DISC1: variants seen among roughly 807,000 people sequenced by gnomAD.
The protein encoded by DISC1 is DISC1 scaffold protein.
A neutral mutation model predicts 84.5 loss-of-function variants in DISC1; 57 were observed. That is an observed-to-expected ratio of 0.67 (90% CI 0.55 to 0.84). The LOEUF is 0.84. Among genes scored for constraint, DISC1 ranks in the 40% least tolerant of loss-of-function variants. The pLI is 0.00. For synonymous variants in DISC1, 411 were observed against 415.2 expected (o/e 0.99, Z 0.12); for missense variants, 1,000 against 1,057.8 (o/e 0.95, Z 0.76).
At chr1:231,988,384 T>TA (rs1414551780) in intron 10 of DISC1, among the ~76,000 whole-genome samples, 2 of 152,226 alleles carry the variant, frequency 1.3e-5, no homozygotes, top group Admixed American at 6.5e-5. Context: ...CAAATCTTTT[T>TA]AAAAATCTAC....
chr1:231,797,286 A>C (rs2078835832), intron 7 of DISC1, among the ~76,000 whole-genome samples: 1 of 152,172 alleles, frequency 6.6e-6, no homozygotes, highest in South Asian at 2.1e-4. Flanking sequence ...GAAAATTTCC[A>C]ACTACTATTA....
intron 3 of DISC1, among the ~76,000 whole-genome samples, chr1:231,725,001 T>TA: frequency 6.6e-6 from 1 of 152,292 alleles, no homozygotes; most frequent in Middle Eastern, 3.4e-3. Flanking sequence ...CCCCGGGACC[T>TA]ACAGGGTCAC....
intron 9 of DISC1, among the ~76,000 whole-genome samples, chr1:231,835,124 C>T (rs1042767597): frequency 6.6e-5 from 10 of 152,144 alleles, no homozygotes; most frequent in African/African-American, 2.4e-4. Flanking sequence ...GTGAGATGTT[C>T]CTTTCTGAGG....
At chr1:231,733,079 G>A in intron 3 of DISC1, among the ~76,000 whole-genome samples, 1 of 20,162 alleles carries the variant, frequency 5.0e-5, no homozygotes, top group Non-Finnish European at 1.0e-4. Context: ...TGGTGGTAAT[G>A]GTAGAAGCAG....
intron 11 of DISC1, among the ~76,000 whole-genome samples, chr1:232,017,786 G>C (rs1572648946): frequency 6.6e-6 from 1 of 152,160 alleles, no homozygotes; most frequent in South Asian, 2.1e-4. Flanking sequence ...GAGACCTAAA[G>C]GGTAACTGCC....
intron 9 of DISC1, chr1:231,854,899 A>G (rs1478630544): frequency 1.0e-5 from 5 of 497,316 alleles, no homozygotes; most frequent in Non-Finnish European, 1.8e-5. Context: ...TATTCTTAGT[A>G]GAGATGGGGT....
intron 9 of DISC1, among the ~76,000 whole-genome samples, chr1:231,955,160 T>A (rs1434556619): frequency 6.6e-6 from 1 of 152,228 alleles, no homozygotes; most frequent in Non-Finnish European, 1.5e-5. Context: ...GAAGGTGCTA[T>A]CACAATATAA....
chr1:231,810,691 C>T (rs1204526167), intron 8 of DISC1, among the ~76,000 whole-genome samples: 2 of 152,128 alleles, frequency 1.3e-5, no homozygotes, highest in East Asian at 1.9e-4. Context: ...AAGCTGGAGG[C>T]GGCTCACTAG....
chr1:231,769,451 ACACG>A (rs1275635626), intron 5 of DISC1, among the ~76,000 whole-genome samples: 3 of 152,260 alleles, frequency 2.0e-5, no homozygotes, highest in African/African-American at 7.2e-5. Flanking sequence ...AAATTCTGAC[ACACG>A]CTACAGCATG....
rs200735721 is a variant in DISC1 at position 231,675,270 on chromosome 1, A to G, written c.68-18556A>G. Among the ~76,000 whole-genome samples the G allele has an allele frequency of 5.9e-4, 89 of 151,960 alleles. No individual in the cohort carries two copies. Among genetic ancestry groups the G allele is most frequent in the Non-Finnish European group, 1.1e-3 (75 of 67,930 alleles). ...TGTCTTGGTGGATCCTGCCGGAATGACACATCTTTTTGCTTTGGGATGATT... is the reference window on the plus strand; with the variant it reads ...TGTCTTGGTGGATCCTGCCGGAATGGCACATCTTTTTGCTTTGGGATGATT... On this transcript the variant is annotated intron_variant, in intron 1 of 12. Transcript: ENST00000439617. The surrounding 1 kb of genome is among the most constrained non-coding windows in gnomAD (Gnocchi z 4.1).
intron 3 of DISC1, among the ~76,000 whole-genome samples, chr1:231,734,898 T>C (rs1023454914): frequency 2.0e-5 from 3 of 152,228 alleles, no homozygotes; most frequent in Non-Finnish European, 4.4e-5. Flanking sequence ...AAATCCTCTT[T>C]GGTGTTCCCT....
intron 1 of DISC1, among the ~76,000 whole-genome samples, chr1:231,650,155 C>T (rs1324472058): frequency 1.3e-5 from 2 of 152,170 alleles, no homozygotes; most frequent in Admixed American, 1.3e-4. Context: ...TTCTTCCTAG[C>T]ATTGATGGTC....
intron 1 of DISC1, among the ~76,000 whole-genome samples, chr1:231,669,625 C>T (rs966393962): frequency 2.0e-5 from 3 of 152,104 alleles, no homozygotes; most frequent in Admixed American, 1.3e-4. Flanking sequence ...ATGAAAAAAG[C>T]TCCACATCAC....
intron 3 of DISC1, among the ~76,000 whole-genome samples, chr1:231,735,872 A>G (rs1284095265): frequency 6.6e-6 from 1 of 152,060 alleles, no homozygotes; most frequent in Non-Finnish European, 1.5e-5. Context: ...GAGTGCAGTG[A>G]TGTGATATCG....
intron 9 of DISC1, among the ~76,000 whole-genome samples, chr1:231,929,683 A>C (rs1422783779): frequency 2.6e-5 from 4 of 152,248 alleles, no homozygotes; most frequent in Non-Finnish European, 5.9e-5. Flanking sequence ...AATTTGGGTC[A>C]TGAAGCCCAC....
intron 7 of DISC1, among the ~76,000 whole-genome samples, chr1:231,795,527 C>T (rs1327014589): frequency 6.6e-6 from 1 of 152,146 alleles, no homozygotes; most frequent in African/African-American, 2.4e-5. Flanking sequence ...GCCTTTGCTA[C>T]AAAAGGAGCT....
chr1:231,811,397 T>A (rs980899213), intron 8 of DISC1, among the ~76,000 whole-genome samples: 1 of 152,190 alleles, frequency 6.6e-6, no homozygotes, highest in Non-Finnish European at 1.5e-5. Context: ...AAGACAAAGG[T>A]AGATCTTGAT....
In DISC1 at chr1:231,960,245, C is replaced by CTTAT. The variant is rs541805835; in HGVS notation, c.2042+1380_2042+1383dup. ...ACGCATTAGTTTCCTTTACCTTCTT[C>CTTAT]TTATTTATTTATTTATTTATTTATT... On this transcript the variant is annotated intron_variant, in intron 10 of 12. Coordinates refer to ENST00000439617, the MANE Select transcript of DISC1 (RefSeq NM_018662.3). 5.0e-3 allele frequency among the ~76,000 whole-genome samples: 756 copies of CTTAT among 151,978 alleles called. 6 individuals are homozygous for CTTAT. Among genetic ancestry groups the CTTAT allele is most frequent in the East Asian group, 0.03 (157 of 5,160 alleles).
chr1:231,931,859 C>T (rs2090683512), intron 9 of DISC1, among the ~76,000 whole-genome samples: 1 of 151,882 alleles, frequency 6.6e-6, no homozygotes, highest in Admixed American at 6.6e-5. Context: ...ACTGTGTTGC[C>T]CAGGGTGGTC....
Sources: gnomAD v4.1 joint callset for allele counts (sites outside exome capture counted in the v4.1 genomes callset) on GRCh38, gnomAD v4.1.1 for gene constraint, Gnocchi (gnomAD v3.1) non-coding constraint, MANE v1.5 for transcripts, NCBI Gene and HGNC (gene_info 2026-07-23, HGNC 2026-07-21) for gene names.